Variants in COL13A1 observed in about 807,000 individuals in gnomAD.
COL13A1 encodes the protein collagen alpha-1(XIII) chain.
A neutral mutation model predicts 130.9 loss-of-function variants in COL13A1; 89 were observed. The ratio of observed to expected loss-of-function variants is 0.68; its 90% CI spans 0.57 to 0.81. The LOEUF (loss-of-function observed/expected upper bound fraction) is 0.81, where lower values mean the gene tolerates loss of function less well. Ranked by LOEUF, COL13A1 falls within the 30% of genes least tolerant of loss-of-function variation. The probability of loss-of-function intolerance (pLI) is 0.00; values close to 1 mark genes in which losing one functional copy is unlikely to be tolerated. For synonymous variants in COL13A1, 402 were observed against 341.6 expected, an observed-to-expected ratio of 1.18 and a Z score of -1.95; for missense variants, 879 against 934.6, an observed-to-expected ratio of 0.94 and a Z score of 0.78.
At position 69,815,294 on chromosome 10, in the gene COL13A1, G is replaced by A. The variant is rs538213052; in HGVS notation, c.295-7075G>A. 2.6e-5 allele frequency among the ~76,000 whole-genome samples: 4 copies of A among 152,314 alleles called. No individual in the cohort carries two copies. In the East Asian group the frequency reaches 7.7e-4, roughly 29 times the overall value. On this transcript the variant is annotated intron_variant, in intron 1 of 40. Coordinates refer to ENST00000645393, the MANE Select transcript of COL13A1 (RefSeq NM_001368882.1). ...GGGAGGGAGTGTTCCCTAAACCCAA[G>A]ACCAGGCTGGAGCCACATTCTCTGG...
intron 7 of COL13A1, among the ~76,000 whole-genome samples, chr10:69,881,704 G>T (rs1417713054): frequency 6.6e-6 from 1 of 152,168 alleles, no homozygotes. Context: ...TTTTCTTCTG[G>T]GTTCAGACCA....
chr10:69,895,565 T>A lies in COL13A1; in HGVS notation c.673T>A (p.Tyr225Asn), dbSNP rs759485200. 1.1e-4 allele frequency: 179 copies of A among 1,613,566 alleles called. 3 individuals are homozygous for A. Among genetic ancestry groups the A allele is most frequent in the Non-Finnish European group, 5.1e-6 (6 of 1,179,828 alleles). The change falls in exon 13 of 41, where the codon TAC becomes AAC. Residue 225 changes from tyrosine to asparagine, a missense_variant. Physicochemically the swap from Tyr to Asn is moderately radical, Grantham distance 143. Transcript: ENST00000645393. ...QKGEKGQCGE[Y>N]PHRLLPLLNS... ...TCCTTCCCAGGGTCAGTGTGGAGAG[T>A]ACCCACACCGGGTAAGTGAACCCCT...
chr10:69,829,767 C>T (rs377102253), intron 2 of COL13A1, among the ~76,000 whole-genome samples: 1 of 152,258 alleles, frequency 6.6e-6, no homozygotes. Context: ...ATGACCACAG[C>T]TGCTGGGAGA....
At position 69,877,684 on chromosome 10, in the gene COL13A1, C is replaced by CTG. The variant is rs879828340; in HGVS notation, c.436-354_436-353insGT. The CTG allele has an allele frequency of 2.0e-4, 22 of 107,902 alleles. No homozygotes were observed. The East Asian group carries it at 2.7e-3, about 13-fold the overall frequency. The allele number at this position is 107,902 out of a possible 1,614,324, so 6.7% of individuals were successfully genotyped here. A position where few individuals can be genotyped will look rare whatever the true frequency, so the allele number is the denominator to read the frequency against. On this transcript the variant is annotated intron_variant, in intron 5 of 40. Coordinates refer to ENST00000645393, the MANE Select transcript of COL13A1 (RefSeq NM_001368882.1). ...TCTCTCTCTCTCTCTGTCTCTCTCTCTCTCTCTCTCTCTCTCACACACACA... is the reference window on the plus strand; with the variant it reads ...TCTCTCTCTCTCTCTGTCTCTCTCTCTGTCTCTCTCTCTCTCTCACACACACA...
intron 2 of COL13A1, among the ~76,000 whole-genome samples, chr10:69,826,467 A>G (rs763515228): frequency 6.6e-6 from 1 of 152,200 alleles, no homozygotes; most frequent in Non-Finnish European, 1.5e-5. Context: ...CATGACCAGC[A>G]CTGCAAAGAG....
At chr10:69,919,788 T>G in intron 21 of COL13A1, 61 bp downstream of exon 21, 1 of 398,652 alleles carries the variant, frequency 2.5e-6, no homozygotes, top group East Asian at 3.6e-5. Flanking sequence ...TCCCCTACTC[T>G]CTGGCCTTCC....
At chr10:69,852,629 T>C (rs1450115504) in intron 2 of COL13A1, among the ~76,000 whole-genome samples, 1 of 152,228 alleles carries the variant, frequency 6.6e-6, no homozygotes, top group Non-Finnish European at 1.5e-5. Flanking sequence ...TGGGCTGGTG[T>C]GGACCCAGGA....
At chr10:69,953,931 G>T (rs998286260) in intron 39 of COL13A1, 2 of 152,992 alleles carry the variant, frequency 1.3e-5, no homozygotes, top group Non-Finnish European at 2.9e-5. Context: ...AATCATCGTG[G>T]TTGGTTTTGT....
chr10:69,884,628 G>A (rs1283010354), intron 7 of COL13A1, among the ~76,000 whole-genome samples: 1 of 152,224 alleles, frequency 6.6e-6, no homozygotes, highest in Non-Finnish European at 1.5e-5. Flanking sequence ...TAAGGGAGAA[G>A]ATTTCAGAGA....
intron 22 of COL13A1, among the ~76,000 whole-genome samples, chr10:69,922,274 C>T (rs1212266199): frequency 3.3e-5 from 5 of 151,836 alleles, no homozygotes; most frequent in Non-Finnish European, 7.4e-5. Flanking sequence ...TAAGGGGAGA[C>T]ATGCATAATA....
chr10:69,943,062 G>A (rs545970924), intron 35 of COL13A1, among the ~76,000 whole-genome samples: 4 of 152,286 alleles, frequency 2.6e-5, no homozygotes, highest in Admixed American at 6.5e-5. Flanking sequence ...TGGCCAGACC[G>A]GTCTTGAACT....
intron 1 of COL13A1, among the ~76,000 whole-genome samples, chr10:69,819,375 T>G (rs1845447869): frequency 6.6e-6 from 1 of 152,120 alleles, no homozygotes; most frequent in Non-Finnish European, 1.5e-5. Context: ...TATGAGTAGA[T>G]GACTTACTTA....
At chr10:69,934,612 G>T (rs1252572673) in intron 31 of COL13A1, among the ~76,000 whole-genome samples, 2 of 152,254 alleles carry the variant, frequency 1.3e-5, no homozygotes, top group African/African-American at 4.8e-5. Flanking sequence ...GCCTGTGGAT[G>T]AAAGGATGTG....
intron 2 of COL13A1, among the ~76,000 whole-genome samples, chr10:69,825,361 T>C (rs1353929195): frequency 6.6e-6 from 1 of 152,222 alleles, no homozygotes; most frequent in African/African-American, 2.4e-5. Flanking sequence ...ACTCATACAA[T>C]TGTCAAGTGC....
chr10:69,943,113 G>C (rs1360871235), intron 35 of COL13A1, among the ~76,000 whole-genome samples: 1 of 152,188 alleles, frequency 6.6e-6, no homozygotes, highest in Non-Finnish European at 1.5e-5. Context: ...CTCCCAAAGT[G>C]CTGGGATTAC....
chr10:69,948,368 G>A (rs2068868250), intron 38 of COL13A1, among the ~76,000 whole-genome samples: 1 of 152,146 alleles, frequency 6.6e-6, no homozygotes, highest in African/African-American at 2.4e-5. Context: ...TCTATTTACT[G>A]AGCACTCCCA....
intron 39 of COL13A1, chr10:69,954,834 TAAG>T (rs2070327798): frequency 1.3e-5 from 2 of 152,222 alleles, no homozygotes; most frequent in African/African-American, 2.4e-5. Context: ...AGAATGTAGT[TAAG>T]GAGGAGGCAG....
intron 26 of COL13A1, 67 bp downstream of exon 26, chr10:69,925,939 A>AG: frequency 7.3e-7 from 1 of 1,368,524 alleles, no homozygotes; most frequent in Non-Finnish European, 1.0e-6. Context: ...TGCCCTGATC[A>AG]GGGGGCCCTT....
intron 7 of COL13A1, among the ~76,000 whole-genome samples, chr10:69,883,333 C>G (rs571573176): frequency 1.3e-5 from 2 of 152,200 alleles, no homozygotes; most frequent in African/African-American, 2.4e-5. Context: ...TGCCCATTCC[C>G]TCTCTGAGCT....
Sources: allele counts gnomAD v4.1 joint callset (sites outside exome capture counted in the v4.1 genomes callset), GRCh38; gene constraint gnomAD v4.1.1; transcripts MANE v1.5; gene names NCBI Gene and HGNC (gene_info 2026-07-23, HGNC 2026-07-21).